Variants in FRMPD4 observed in about 807,000 individuals in gnomAD.
The protein encoded by FRMPD4 is FERM and PDZ domain containing 4, also known as FERM and PDZ domain-containing protein 4.
In FRMPD4, 22 loss-of-function variants were observed where a neutral mutation model predicts 94.1. That is an observed-to-expected ratio of 0.23 (90% confidence interval 0.17 to 0.33). The LOEUF (loss-of-function observed/expected upper bound fraction) is 0.33, where lower values mean the gene tolerates loss of function less well. Among genes scored for constraint, FRMPD4 ranks in the 10% least tolerant of loss-of-function variants. FRMPD4 has a pLI of 1.00. For missense variants in FRMPD4, 1,111 were observed against 1,339.9 expected (o/e 0.83, Z 2.67); for synonymous variants, 631 against 548.6 (o/e 1.15, Z -2.10).
chrX:12,012,662 G>A (rs2054586901), intron 3 of FRMPD4, among the ~76,000 whole-genome samples: 1 of 112,282 alleles, frequency 8.9e-6, no homozygotes, highest in Admixed American at 9.4e-5. Context: ...TCTATGTTAA[G>A]GCTATTGCTA....
intron 2 of FRMPD4, among the ~76,000 whole-genome samples, chrX:12,587,521 C>T (rs757485048): frequency 4.5e-5 from 5 of 111,397 alleles, no homozygotes; most frequent in Admixed American, 1.9e-4. Flanking sequence ...TAAATGGAAT[C>T]CTGTAAGATG....
At chrX:12,295,608 C>T (rs2054759490) in intron 1 of FRMPD4, among the ~76,000 whole-genome samples, 1 of 111,770 alleles carries the variant, frequency 8.9e-6, no homozygotes, top group Admixed American at 9.5e-5. Flanking sequence ...TACTTGCATC[C>T]CCACATTGGA....
At chrX:11,865,836 A>T (rs1291939305) in intron 2 of FRMPD4, among the ~76,000 whole-genome samples, 1 of 112,118 alleles carries the variant, frequency 8.9e-6, no homozygotes, top group African/African-American at 3.2e-5. Context: ...ACTGACTCAT[A>T]CAAGTCTTTG....
chrX:12,131,888 G>T (rs1033921089), intron 3 of FRMPD4, among the ~76,000 whole-genome samples: 2 of 112,120 alleles, frequency 1.8e-5, no homozygotes. Context: ...GAACAAAAAC[G>T]TTTAGAAAAC....
intron 3 of FRMPD4, among the ~76,000 whole-genome samples, chrX:11,979,418 C>T: frequency 8.9e-6 from 1 of 112,044 alleles, no homozygotes; most frequent in Admixed American, 9.4e-5. Flanking sequence ...ACTGGAATTG[C>T]TGGATCATAG....
chrX:11,986,424 G>A (rs1273952968), intron 3 of FRMPD4, among the ~76,000 whole-genome samples: 1 of 111,733 alleles, frequency 8.9e-6, no homozygotes, highest in Non-Finnish European at 1.9e-5. Context: ...TACAGCAAAA[G>A]CAGTACTAAG....
intron 1 of FRMPD4, among the ~76,000 whole-genome samples, chrX:11,843,632 G>T (rs1268318520): frequency 9.1e-6 from 1 of 109,433 alleles, no homozygotes; most frequent in East Asian, 2.9e-4. Flanking sequence ...AGTATAGTTC[G>T]CTGTAACCTT....
intron 2 of FRMPD4, among the ~76,000 whole-genome samples, chrX:11,869,147 A>G (rs892905227): frequency 8.9e-6 from 1 of 112,473 alleles, no homozygotes; most frequent in Non-Finnish European, 1.9e-5. Context: ...TGTTGTACTC[A>G]TCATCTTCTC....
chrX:11,998,685 T>C (rs1427615631), intron 3 of FRMPD4, among the ~76,000 whole-genome samples: 3 of 112,233 alleles, frequency 2.7e-5, no homozygotes, highest in Non-Finnish European at 5.6e-5. Context: ...AATCTCTTTG[T>C]AGTCAATCCA....
chrX:12,372,568 C>G (rs1455858092), intron 1 of FRMPD4, among the ~76,000 whole-genome samples: 2 of 112,636 alleles, frequency 1.8e-5, no homozygotes, highest in East Asian at 5.6e-4. Context: ...TTTTCACCAT[C>G]CCTACTAGCA....
intron 4 of FRMPD4, among the ~76,000 whole-genome samples, chrX:12,657,206 G>A (rs1242300498): frequency 8.9e-6 from 1 of 112,030 alleles, no homozygotes; most frequent in East Asian, 2.8e-4. Context: ...GGCTCAAGGT[G>A]TCCCACAGGG....
intron 1 of FRMPD4, among the ~76,000 whole-genome samples, chrX:12,165,321 G>T (rs780352348): frequency 3.7e-4 from 41 of 112,287 alleles, no homozygotes; most frequent in African/African-American, 9.7e-4. Flanking sequence ...TTTCCCCATT[G>T]CTTGTTTTTG....
At chrX:12,265,557 G>A (rs1470788782) in intron 1 of FRMPD4, among the ~76,000 whole-genome samples, 1 of 111,609 alleles carries the variant, frequency 9.0e-6, no homozygotes, top group East Asian at 2.8e-4. Context: ...ACCCCTTGGG[G>A]AAATTTTCTC....
intron 1 of FRMPD4, chrX:12,341,685 C>T (rs1569238458): frequency 3.1e-6 from 1 of 320,145 alleles, no homozygotes. Context: ...ACCTTGAGCT[C>T]TTAATATTCT....
chrX:12,223,007 A>G (rs1460337497), intron 1 of FRMPD4, among the ~76,000 whole-genome samples: 2 of 112,396 alleles, frequency 1.8e-5, no homozygotes. Flanking sequence ...TGGGTAAATA[A>G]CTAGAAATGG....
chrX:12,581,191 A>G (rs920758641), intron 2 of FRMPD4, among the ~76,000 whole-genome samples: 2 of 112,557 alleles, frequency 1.8e-5, no homozygotes, highest in Non-Finnish European at 3.8e-5. Flanking sequence ...TAGTTGATTG[A>G]AATTCTGTTA....
intron 1 of FRMPD4, among the ~76,000 whole-genome samples, chrX:12,271,063 C>T (rs890888785): frequency 1.8e-5 from 2 of 111,702 alleles, no homozygotes; most frequent in Non-Finnish European, 3.8e-5. Flanking sequence ...GAGAGTATAC[C>T]GTATGTTTTG....
intron 1 of FRMPD4, among the ~76,000 whole-genome samples, chrX:12,220,741 A>T (rs1402418430): frequency 8.9e-6 from 1 of 112,517 alleles, no homozygotes. Flanking sequence ...GGTCCAAATA[A>T]TGATACTTTC....
intron 3 of FRMPD4, among the ~76,000 whole-genome samples, chrX:11,905,682 T>C (rs776157556): frequency 5.4e-5 from 6 of 111,214 alleles, no homozygotes; most frequent in Non-Finnish European, 7.5e-5. Context: ...TTGGGGGTAT[T>C]AACATTGATA....
Sources: gnomAD v4.1 joint callset for allele counts (sites outside exome capture counted in the v4.1 genomes callset) on GRCh38, gnomAD v4.1.1 for gene constraint, MANE v1.5 for transcripts, NCBI Gene and HGNC (gene_info 2026-07-23, HGNC 2026-07-21) for gene names.